Variants in PDE1A observed in about 807,000 individuals in gnomAD.
The protein encoded by PDE1A is dual specificity calcium/calmodulin-dependent 3',5'-cyclic nucleotide phosphodiesterase 1A.
Under a neutral mutation model 61.7 loss-of-function variants are expected in PDE1A, and 35 were observed. The ratio of observed to expected loss-of-function variants is 0.57; its 90% CI spans 0.43 to 0.75. The LOEUF (loss-of-function observed/expected upper bound fraction) is 0.75, where lower values mean the gene tolerates loss of function less well. PDE1A is among the 30% of genes least tolerant of loss of function. PDE1A has a pLI of 0.00. For missense variants in PDE1A, 597 were observed against 630.6 expected (o/e 0.95, Z 0.57); for synonymous variants, 232 against 213.2 (o/e 1.09, Z -0.77).
intron 2 of PDE1A, among the ~76,000 whole-genome samples, chr2:182,440,456 C>T (rs189690985): frequency 2.6e-3 from 401 of 152,178 alleles, no homozygotes; most frequent in African/African-American, 9.4e-3. Flanking sequence ...TTAAATCATA[C>T]CACATAGCTG....
chr2:182,515,954 CTGTGTGTGTGTGTGTGTGTGTG>C (rs201729102), intron 2 of PDE1A, among the ~76,000 whole-genome samples: 13 of 130,432 alleles, frequency 1.0e-4, no homozygotes, highest in Admixed American at 4.4e-4. Context: ...GTGTGTGTTT[CTGTGTGTGTGTGTGTGTGTGTG>C]TGTGTGTGTG....
At chr2:182,595,345 C>G in the PDE1A span, among the ~76,000 whole-genome samples, 1 of 152,218 alleles carries the variant, frequency 6.6e-6, no homozygotes, top group Non-Finnish European at 1.5e-5. Flanking sequence ...AAATCCTCCT[C>G]TGCTGATTGT....
the PDE1A span, among the ~76,000 whole-genome samples, chr2:182,700,373 C>A: frequency 1.4e-5 from 2 of 146,388 alleles, no homozygotes; most frequent in African/African-American, 5.1e-5. Context: ...GGAGTGAGTT[C>A]GAGACTAGCC....
chr2:182,538,831 A>G, the PDE1A span, among the ~76,000 whole-genome samples: 1 of 152,238 alleles, frequency 6.6e-6, no homozygotes, highest in African/African-American at 2.4e-5. Flanking sequence ...CTCATTCAGT[A>G]AAAACAAACA....
the PDE1A span, among the ~76,000 whole-genome samples, chr2:182,686,666 T>C: frequency 6.6e-6 from 1 of 152,200 alleles, no homozygotes; most frequent in East Asian, 1.9e-4. Context: ...TCACTGGGGC[T>C]TGTCGGACAG....
At chr2:182,565,695 A>G in the PDE1A span, among the ~76,000 whole-genome samples, 3 of 152,222 alleles carry the variant, frequency 2.0e-5, no homozygotes, top group Non-Finnish European at 2.9e-5. Context: ...AAAAAAAAGA[A>G]TCTAATGACT....
At chr2:182,453,432 A>AT (rs1438828570) in intron 2 of PDE1A, among the ~76,000 whole-genome samples, 2 of 151,908 alleles carry the variant, frequency 1.3e-5, no homozygotes, top group Non-Finnish European at 2.9e-5. Flanking sequence ...GAACTTCTTC[A>AT]TTAAAAAAAA....
chr2:182,430,071 T>C (rs1179858591), upstream of PDE1A, among the ~76,000 whole-genome samples: 1 of 152,150 alleles, frequency 6.6e-6, no homozygotes, highest in Non-Finnish European at 1.5e-5. Context: ...AAGGATTAGA[T>C]GGCATTTTAG....
the PDE1A span, among the ~76,000 whole-genome samples, chr2:182,588,937 G>A: frequency 1.3e-5 from 2 of 151,508 alleles, no homozygotes; most frequent in African/African-American, 4.8e-5. Flanking sequence ...CAGCTACTTG[G>A]GAGGCTGAGG....
intron 2 of PDE1A, among the ~76,000 whole-genome samples, chr2:182,495,309 G>A (rs1221562968): frequency 1.3e-5 from 2 of 152,036 alleles, no homozygotes; most frequent in Non-Finnish European, 1.5e-5. Flanking sequence ...TATCTCATTC[G>A]ATACAGACCA....
At chr2:182,223,931 C>T (rs1164390801) in exon 7 of PDE1A, 1 of 1,605,988 alleles carries the variant, frequency 6.2e-7, no homozygotes, top group African/African-American at 1.3e-5. Flanking sequence ...GCAGCAAAGA[C>T]CATTGCTAAA....
chr2:182,608,926 C>A, the PDE1A span, among the ~76,000 whole-genome samples: 1 of 152,216 alleles, frequency 6.6e-6, no homozygotes, highest in Non-Finnish European at 1.5e-5. Flanking sequence ...CCAATCAGCA[C>A]TCTGTATCTA....
chr2:182,472,817 T>C (rs1035759516), intron 2 of PDE1A, among the ~76,000 whole-genome samples: 19 of 151,906 alleles, frequency 1.3e-4, no homozygotes, highest in Non-Finnish European at 2.5e-4. Flanking sequence ...AGATTTTCTT[T>C]AGGCAAAAAG....
the PDE1A span, among the ~76,000 whole-genome samples, chr2:182,690,374 C>T: frequency 3.3e-5 from 5 of 152,306 alleles, no homozygotes; most frequent in East Asian, 3.9e-4. Context: ...GCTGGTTCAA[C>T]ATACGCAAAT....
chr2:182,598,979 C>T, the PDE1A span, among the ~76,000 whole-genome samples: 4 of 152,198 alleles, frequency 2.6e-5, no homozygotes, highest in East Asian at 1.9e-4. Context: ...ACAGCACAAC[C>T]GCTGCCATCA....
At chr2:182,270,904 C>G (rs371011058) in intron 1 of PDE1A, among the ~76,000 whole-genome samples, 1 of 151,690 alleles carries the variant, frequency 6.6e-6, no homozygotes, top group Admixed American at 6.6e-5. Context: ...TTCTGCAGGT[C>G]GATGCTCAGG....
intron 1 of PDE1A, among the ~76,000 whole-genome samples, chr2:182,297,428 G>A (rs1432197056): frequency 1.3e-5 from 2 of 152,276 alleles, no homozygotes; most frequent in South Asian, 2.1e-4. Context: ...CAAAGAGGAG[G>A]TCTGATCATT....
rs539949679 is a variant in PDE1A at position 182,241,680 on chromosome 2, T to C, written c.168-1388A>G. On this transcript the variant is annotated intron_variant, in intron 2 of 13. Coordinates refer to ENST00000351439, the Ensembl canonical transcript of PDE1A. ...TATTTTCCATGGTATTAAATAAGCA[T>C]GAATGTATTTATGAAATACCTTATA... is the stretch of plus-strand genomic sequence containing the variant. 1.4e-5 allele frequency: 8 copies of C among 573,738 alleles called. No homozygotes were observed. The Admixed American group carries it at 2.6e-4, about 19-fold the overall frequency. 35.5% of individuals were successfully genotyped at this position (573,738 alleles called of 1,614,324 possible).
At chr2:182,162,987 A>G (rs2125301930), downstream of PDE1A, among the ~76,000 whole-genome samples, 1 of 152,296 alleles carries the variant, frequency 6.6e-6, no homozygotes, top group South Asian at 2.1e-4. Flanking sequence ...AGACAATAGT[A>G]AATAGAAAAC....
Sources: allele counts gnomAD v4.1 joint callset (sites outside exome capture counted in the v4.1 genomes callset), GRCh38; gene constraint gnomAD v4.1.1; transcripts MANE v1.5; gene names NCBI Gene and HGNC (gene_info 2026-07-23, HGNC 2026-07-21).